Variants in DNAH5 observed in about 807,000 individuals in gnomAD.
DNAH5 encodes dynein axonemal heavy chain 5.
DNAH5 carries 372 observed loss-of-function variants against 518.2 expected under a neutral mutation model. The ratio of observed to expected loss-of-function variants is 0.72; its 90% CI spans 0.66 to 0.78. The LOEUF (loss-of-function observed/expected upper bound fraction) is 0.78, where lower values mean the gene tolerates loss of function less well. DNAH5 is among the 30% of genes least tolerant of loss of function. The pLI is 0.00. For synonymous variants in DNAH5, 2,039 were observed against 2,025.9 expected, an observed-to-expected ratio of 1.01 and a Z score of -0.17; for missense variants, 5,523 against 5,687.0, an observed-to-expected ratio of 0.97 and a Z score of 0.93.
intron 16 of DNAH5, 90 bp downstream of exon 16, chr5:13,894,560 T>C (rs1773668379): frequency 1.4e-6 from 2 of 1,389,546 alleles, no homozygotes; most frequent in South Asian, 2.4e-5. Flanking sequence ...TTTCATTATT[T>C]ATATCTCCAT....
At chr5:13,809,869 G>A (rs1760312099) in intron 45 of DNAH5, among the ~76,000 whole-genome samples, 190 bp downstream of exon 45, 1 of 152,190 alleles carries the variant, frequency 6.6e-6, no homozygotes, top group African/African-American at 2.4e-5. Flanking sequence ...AGAGGAAAAT[G>A]TGCATTTGAA....
At chr5:13,831,377 C>T (rs1763657570) in intron 35 of DNAH5, among the ~76,000 whole-genome samples, 5 of 152,192 alleles carry the variant, frequency 3.3e-5, no homozygotes, top group Admixed American at 3.3e-4. Flanking sequence ...AGAATGCCTG[C>T]AAAGGAAAAT....
chr5:13,878,274 G>A (rs949726004), intron 21 of DNAH5, among the ~76,000 whole-genome samples: 2 of 152,150 alleles, frequency 1.3e-5, no homozygotes, highest in East Asian at 3.9e-4. Context: ...AAGGGCATTA[G>A]GCATATGTGA....
chr5:13,782,385 T>C (rs753166274), intron 52 of DNAH5, among the ~76,000 whole-genome samples: 12 of 152,194 alleles, frequency 7.9e-5, no homozygotes, highest in Non-Finnish European at 1.6e-4. Context: ...GGAGAACATA[T>C]TTTCCATCTC....
rs1770120968 is a variant in DNAH5, at chr5:13,871,664, A to C, written c.3498T>G (p.Leu1166=). 1.2e-6 allele frequency: 2 copies of C among 1,613,820 alleles called. No homozygotes were observed. The highest frequency in any genetic ancestry group is 4.5e-5 in the East Asian group (2 of 44,866). ...IKTFITQSPL[L]SEFESQILYF... Reference sequence around the variant, plus strand: ...AGAGAATCTGGGACTCAAATTCAGAAAGCAAGGGGCTCTGTGTAATAAATG... The same window carrying C: ...AGAGAATCTGGGACTCAAATTCAGACAGCAAGGGGCTCTGTGTAATAAATG... The change falls in exon 23 of 79, where the codon CTT becomes CTG. Residue 1166 remains leucine (L), a synonymous_variant. Coordinates refer to ENST00000265104, the MANE Select transcript of DNAH5 (RefSeq NM_001369.3).
At chr5:13,808,225 C>CAAA (rs56686032) in intron 46 of DNAH5, among the ~76,000 whole-genome samples, 83 of 85,946 alleles carry the variant, frequency 9.7e-4, no homozygotes, top group East Asian at 1.6e-3. Context: ...GACTCCATCT[C>CAAA]AAAAAAAAAA....
chr5:13,794,239 C>T (rs1757484384), intron 47 of DNAH5, among the ~76,000 whole-genome samples, 181 bp from the exon 48 acceptor site: 1 of 152,200 alleles, frequency 6.6e-6, no homozygotes, highest in South Asian at 2.1e-4. Flanking sequence ...ATAACATTCA[C>T]AAAATTTGAA....
intron 34 of DNAH5, among the ~76,000 whole-genome samples, chr5:13,839,890 A>G (rs770354033): frequency 4.1e-4 from 62 of 152,228 alleles, no homozygotes; most frequent in African/African-American, 1.0e-3. Context: ...ACACACAAAG[A>G]CAGCAATAAA....
At chr5:13,714,138 C>T (rs571601780) in intron 75 of DNAH5, among the ~76,000 whole-genome samples, 1 of 152,278 alleles carries the variant, frequency 6.6e-6, no homozygotes, top group East Asian at 1.9e-4. Context: ...TTCAGAAAAG[C>T]AGTCCTAATC....
At chr5:13,720,252 G>A (rs146448332) in intron 71 of DNAH5, among the ~76,000 whole-genome samples, 32 of 152,162 alleles carry the variant, frequency 2.1e-4, no homozygotes, top group Non-Finnish European at 2.9e-4. Context: ...AAACATTACC[G>A]TTTGAAAATT....
At chr5:13,910,179 C>T (rs1000260451) in intron 12 of DNAH5, among the ~76,000 whole-genome samples, 4 of 152,206 alleles carry the variant, frequency 2.6e-5, no homozygotes, top group Middle Eastern at 3.4e-3. Flanking sequence ...TGCTGCATGC[C>T]ACAATGGTTA....
chr5:13,826,849 C>T (rs1398490521), intron 38 of DNAH5, among the ~76,000 whole-genome samples: 4 of 152,092 alleles, frequency 2.6e-5, no homozygotes, highest in African/African-American at 4.8e-5. Context: ...CAGAAGAAGA[C>T]TGAAGAAATG....
intron 47 of DNAH5, among the ~76,000 whole-genome samples, chr5:13,794,902 G>C (rs1757592480): frequency 6.6e-6 from 1 of 152,234 alleles, no homozygotes; most frequent in African/African-American, 2.4e-5. Context: ...GGGAGGCAGA[G>C]CTTGCAGTGA....
intron 29 of DNAH5, among the ~76,000 whole-genome samples, chr5:13,861,837 A>G (rs1313049865): frequency 6.6e-6 from 1 of 151,648 alleles, no homozygotes; most frequent in Non-Finnish European, 1.5e-5. Flanking sequence ...GTTGCCTGTA[A>G]TCCCAGTACT....
intron 46 of DNAH5, 138 bp from the exon 47 acceptor site, chr5:13,807,863 T>C: frequency 1.3e-6 from 1 of 761,548 alleles, no homozygotes; most frequent in Non-Finnish European, 2.2e-6. Flanking sequence ...ATAAGGTCTT[T>C]AAAGAGGTGA....
intron 78 of DNAH5, among the ~76,000 whole-genome samples, chr5:13,692,614 A>AC (rs1023381761): frequency 6.6e-6 from 1 of 151,834 alleles, no homozygotes; most frequent in Non-Finnish European, 1.5e-5. Context: ...GTGCCTCCCC[A>AC]CCCCCCAGCT....
In DNAH5 at chr5:13,830,147, G is replaced by A. The variant is rs1172080760; in HGVS notation, c.6128C>T (p.Ser2043Leu). 6.2e-6 allele frequency: 10 copies of A among 1,613,894 alleles called. No individual in the cohort carries two copies. The highest frequency in any genetic ancestry group is 2.7e-5 in the African/African-American group (2 of 74,920). ...AATGGAAATTTGCTGGGCTGCAACC[G>A]AGAGAACTGGTAGATCAATACGGTT... is the stretch of plus-strand genomic sequence containing the variant. Reference protein sequence around the residue: ...EFNRIDLPVLSVAAQQISIIL... With the variant: ...EFNRIDLPVLLVAAQQISIIL... The change falls in exon 37 of 79, where the codon TCG becomes TTG. Residue 2043 changes from serine (S) to leucine (L), a missense_variant. Coordinates refer to ENST00000265104, the MANE Select transcript of DNAH5 (RefSeq NM_001369.3).
At position 13,691,009 on chromosome 5, in the gene DNAH5, T is replaced by C. The variant is rs1489043322; in HGVS notation, c.*975A>G. The C allele has an allele frequency of 6.6e-6, 1 of 152,238 alleles. No individual in the cohort carries two copies. Among genetic ancestry groups the C allele is most frequent in the African/African-American group, 2.4e-5 (1 of 41,472 alleles). 9.4% of individuals were successfully genotyped at this position (152,238 alleles called of 1,614,324 possible). A position where few individuals can be genotyped will look rare whatever the true frequency, so the allele number is the denominator to read the frequency against. ...CTCAATATTTTGTAAACTAAATCTT[T>C]CACTTAACAGTCTGGGTCTACCATT... On this transcript the variant is annotated 3_prime_UTR_variant, in exon 79 of 79. Coordinates refer to ENST00000265104, the MANE Select transcript of DNAH5 (RefSeq NM_001369.3).
At chr5:13,799,215 C>CCCA (rs397996834) in intron 47 of DNAH5, among the ~76,000 whole-genome samples, 1 of 148,532 alleles carries the variant, frequency 6.7e-6, no homozygotes, top group African/African-American at 2.5e-5. Context: ...TACCCCCCCC[C>CCCA]ACAAAAATGC....
Sources: allele counts gnomAD v4.1 joint callset (sites outside exome capture counted in the v4.1 genomes callset), GRCh38; gene constraint gnomAD v4.1.1; transcripts MANE v1.5; gene names NCBI Gene and HGNC (gene_info 2026-07-23, HGNC 2026-07-21).